CCNC: variants seen among roughly 807,000 people sequenced by gnomAD.
CCNC encodes cyclin-C.
CCNC carries 19 observed loss-of-function variants against 50.0 expected under a neutral mutation model. That is an observed-to-expected ratio of 0.38 (90% CI 0.27 to 0.56). The LOEUF (loss-of-function observed/expected upper bound fraction) is 0.56, where lower values mean the gene tolerates loss of function less well. CCNC is among the 20% of genes least tolerant of loss of function. CCNC has a pLI of 0.72. For synonymous variants in CCNC, 93 were observed against 103.7 expected, an observed-to-expected ratio of 0.90 and a Z score of 0.63; for missense variants, 200 against 327.1, an observed-to-expected ratio of 0.61 and a Z score of 3.00.
chr6:99,559,931 G>C (rs1802705317), intron 4 of CCNC, among the ~76,000 whole-genome samples: 1 of 151,898 alleles, frequency 6.6e-6, no homozygotes, highest in Admixed American at 6.6e-5. Flanking sequence ...TGTTGGTTAG[G>C]CTGGTCTCAA....
At position 99,551,007 on chromosome 6, in the gene CCNC, G is replaced by T; in HGVS notation, c.424C>A (p.Leu142Met). The change falls in exon 7 of 12, where the codon CTG (leucine) becomes ATG (methionine). Residue 142 changes from leucine to methionine, a missense_variant. Physicochemically the swap from Leu to Met is conservative, Grantham distance 15. Transcript: ENST00000520429. ...GATTTACTTACCATTAGTTCTAACA[G>T]ATAGAATTCACATTCTAATATCTGT... ...MNHILECEFY[L>M]LELMDCCLIV... 1 of 1,096,244 alleles carries T rather than the reference G, an allele frequency of 9.1e-7. No individual in the cohort carries two copies. Among genetic ancestry groups the T allele is most frequent in the South Asian group, 1.7e-5 (1 of 57,476 alleles). The allele number at this position is 1,096,244 out of a possible 1,614,324, so 67.9% of individuals were successfully genotyped here.
Position 99,545,130 on chromosome 6 carries a change from G to C in CCNC, c.779C>G (p.Pro260Arg). The C allele has an allele frequency of 1.3e-6, 2 of 1,589,412 alleles. No individual in the cohort carries two copies. The change falls in exon 11 of 12, where the codon CCA becomes CGA. Residue 260 changes from proline to arginine, a missense_variant. Physicochemically the swap from Pro to Arg is moderately radical, Grantham distance 103. Transcript: ENST00000520429. ...AAAGTACCTGTTTGGAGGTGGTTTT[G>C]GTTTTGGCATCTTACTAAGAATGGT... ...MATILSKMPK[P>R]KPPPNSEGEQ...
chr6:99,559,732 T>G (rs1802695990), intron 4 of CCNC, among the ~76,000 whole-genome samples: 1 of 151,314 alleles, frequency 6.6e-6, no homozygotes. Context: ...TTTTTTTTTT[T>G]TTTTTGAGAT....
chr6:99,559,286 C>G (rs1802675388), intron 4 of CCNC, among the ~76,000 whole-genome samples: 1 of 151,902 alleles, frequency 6.6e-6, no homozygotes, highest in South Asian at 2.1e-4. Context: ...CCCATTTCCT[C>G]TTTCAACTGA....
At chr6:99,559,843 C>T (rs9484020) in intron 4 of CCNC, among the ~76,000 whole-genome samples, 1 of 151,778 alleles carries the variant, frequency 6.6e-6, no homozygotes, top group Non-Finnish European at 1.5e-5. Context: ...CTTCGGCCTC[C>T]CTAGTAGCTG....
chr6:99,565,067 T>C (rs949696454), intron 1 of CCNC, among the ~76,000 whole-genome samples: 3 of 152,108 alleles, frequency 2.0e-5, no homozygotes, highest in Non-Finnish European at 4.4e-5. Context: ...TATGCTGTGC[T>C]ACTTTAAAAC....
intron 9 of CCNC, among the ~76,000 whole-genome samples, chr6:99,548,475 C>T (rs1802158648): frequency 6.6e-6 from 1 of 151,022 alleles, no homozygotes; most frequent in Non-Finnish European, 1.5e-5. Context: ...AAAGACAAAC[C>T]AATGGAAAAT....
rs999365929 is a variant in CCNC, at chr6:99,550,146, A to T, written c.530+72T>A. On this transcript the variant is annotated intron_variant, in intron 8 of 11. Transcript: ENST00000520429. ...TAGTTTAATGACTTTAAAAATACTT[A>T]ACTTCATATTTAATTGTCAACCTTC... is the stretch of plus-strand genomic sequence containing the variant. The T allele has an allele frequency of 7.2e-5, 76 of 1,052,632 alleles. No homozygotes were observed. In the African/African-American group the frequency reaches 1.2e-3, roughly 16 times the overall value. The allele number at this position is 1,052,632 out of a possible 1,614,324, so 65.2% of individuals were successfully genotyped here.
chr6:99,551,949 C>G (rs994550736), intron 5 of CCNC, 54 bp from the exon 6 acceptor site: 79 of 1,239,096 alleles, frequency 6.4e-5, no homozygotes, highest in Non-Finnish European at 8.5e-5. Flanking sequence ...TAAATTAACT[C>G]AAAATTCCTT....
chr6:99,550,399 G>A, intron 7 of CCNC, 90 bp from the exon 8 acceptor site: 1 of 841,982 alleles, frequency 1.2e-6, no homozygotes, highest in South Asian at 1.7e-5. Context: ...TTGTAATTGT[G>A]TATTTCAAAG....
Position 99,546,404 on chromosome 6 carries a change from A to G in CCNC, c.669T>C (p.Asp223=), listed in dbSNP as rs1401244442. Reference sequence around the variant, plus strand: ...ACAACTAAGGGAATACCTTTTCCATATCCACAGAAAGCTCAGCAAACCATT... The same window carrying G: ...ACAACTAAGGGAATACCTTTTCCATGTCCACAGAAAGCTCAGCAAACCATT... ...ARQWFAELSV[D]MEKILEIIRV... Residue 223 remains aspartate, a synonymous_variant, in exon 10 of 12, where the codon GAT becomes GAC. Coordinates refer to ENST00000520429, the MANE Select transcript of CCNC (RefSeq NM_005190.4). 6.2e-7 allele frequency: 1 copy of G among 1,609,554 alleles called. No individual in the cohort carries two copies.
chr6:99,544,191 C>T (rs1441964364), intron 11 of CCNC: 1 of 1,524,314 alleles, frequency 6.6e-7, no homozygotes, highest in Non-Finnish European at 8.8e-7. Context: ...GTAACTTTGG[C>T]AATAGGATTA....
intron 11 of CCNC, chr6:99,543,897 A>T: frequency 7.8e-7 from 1 of 1,286,832 alleles, no homozygotes; most frequent in Non-Finnish European, 9.8e-7. Flanking sequence ...TTTCATTGTT[A>T]TTACAGGTAT....
chr6:99,553,680 T>C (rs1453127208), intron 5 of CCNC, among the ~76,000 whole-genome samples: 1 of 152,180 alleles, frequency 6.6e-6, no homozygotes, highest in African/African-American at 2.4e-5. Context: ...CCTAATTATA[T>C]TCCTCTGCCT....
Position 99,561,588 on chromosome 6 carries a change from C to A in CCNC, c.224+9G>T. On this transcript the variant is annotated intron_variant, in intron 3 of 11. Transcript: ENST00000520429. ...AGAGTTCAAATAAATAAAATAAAAA[C>A]AATCCTACCTGGCATAGAATCTCTT... The A allele has an allele frequency of 6.3e-7, 1 of 1,580,398 alleles. No individual in the cohort carries two copies. Among genetic ancestry groups the A allele is most frequent in the Non-Finnish European group, 8.7e-7 (1 of 1,154,158 alleles).
chr6:99,565,665 A>G (rs1583592531), intron 1 of CCNC, among the ~76,000 whole-genome samples: 1 of 151,942 alleles, frequency 6.6e-6, no homozygotes, highest in East Asian at 1.9e-4. Flanking sequence ...TATGTTTTTC[A>G]TGTTAAGGAA....
rs1802726935 is a variant in CCNC, at chr6:99,560,351, C to T, written c.294+1016G>A. ...ACCACTCACAATTAGAAAACATAAA[C>T]TTCTAGAAAGCTTGTCTTAATATTA... On this transcript the variant is annotated intron_variant, in intron 4 of 11. Coordinates refer to ENST00000520429, the MANE Select transcript of CCNC (RefSeq NM_005190.4). 2.6e-5 allele frequency among the ~76,000 whole-genome samples: 4 copies of T among 152,254 alleles called. No individual in the cohort carries two copies. The South Asian group carries it at 8.3e-4, about 32-fold the overall frequency.
chr6:99,561,010 C>T (rs1047514967), intron 4 of CCNC, among the ~76,000 whole-genome samples: 1 of 152,196 alleles, frequency 6.6e-6, no homozygotes, highest in African/African-American at 2.4e-5. Flanking sequence ...TAGTTAAGAA[C>T]ACAGGATTGG....
chr6:99,551,537 A>ATGTG (rs1490350469), intron 6 of CCNC, among the ~76,000 whole-genome samples: 8 of 152,204 alleles, frequency 5.3e-5, no homozygotes, highest in Admixed American at 2.6e-4. Context: ...CCTTTTACAC[A>ATGTG]GTACCAATGT....
Sources: allele counts gnomAD v4.1 joint callset (sites outside exome capture counted in the v4.1 genomes callset), GRCh38; gene constraint gnomAD v4.1.1; transcripts MANE v1.5; gene names NCBI Gene and HGNC (gene_info 2026-07-23, HGNC 2026-07-21).